PHF24: variants seen among roughly 807,000 people sequenced by gnomAD.
The protein encoded by PHF24 is PHD finger protein 24.
Under a neutral mutation model 42.6 loss-of-function variants are expected in PHF24, and 25 were observed. That is an observed-to-expected ratio of 0.59 (90% CI 0.43 to 0.82). The LOEUF is 0.82. Ranked by LOEUF, PHF24 falls within the 40% of genes least tolerant of loss-of-function variation. PHF24 has a pLI of 0.00. For synonymous variants in PHF24, 185 were observed against 204.8 expected, an observed-to-expected ratio of 0.90 and a Z score of 0.83; for missense variants, 470 against 538.1, an observed-to-expected ratio of 0.87 and a Z score of 1.25.
the PHF24 span, chr9:34,728,058 G>A: frequency 1.1e-5 from 17 of 1,551,852 alleles, no homozygotes; most frequent in East Asian, 4.2e-4. Context: ...TGGCTTCTCA[G>A]CTTCTTCCCG....
the PHF24 span, chr9:34,665,668 C>T: frequency 3.1e-5 from 22 of 700,982 alleles, no homozygotes; most frequent in Non-Finnish European, 4.4e-5. Context: ...ATGTCCTGGG[C>T]TCCGAACGTC....
At chr9:34,801,978 T>C in the PHF24 span, among the ~76,000 whole-genome samples, 1 of 152,080 alleles carries the variant, frequency 6.6e-6, no homozygotes, top group African/African-American at 2.4e-5. Context: ...AAAACCTAGA[T>C]GATGGGTTGA....
At chr9:34,711,236 T>A in the PHF24 span, among the ~76,000 whole-genome samples, 4 of 151,852 alleles carry the variant, frequency 2.6e-5, no homozygotes, top group Non-Finnish European at 4.4e-5. Flanking sequence ...AAAAATACAA[T>A]ACTAGCTTTT....
the PHF24 span, among the ~76,000 whole-genome samples, chr9:34,846,267 C>T: frequency 6.6e-6 from 1 of 152,162 alleles, no homozygotes; most frequent in Non-Finnish European, 1.5e-5. Context: ...ACCTGTTTTT[C>T]CCGACTTTTT....
At chr9:34,845,160 T>C in the PHF24 span, among the ~76,000 whole-genome samples, 1 of 152,206 alleles carries the variant, frequency 6.6e-6, no homozygotes, top group Non-Finnish European at 1.5e-5. Context: ...CTTTTTGTTC[T>C]CATTTGTATG....
chr9:34,979,593 A>G (rs1163225710), exon 8 of PHF24: 1 of 152,274 alleles, frequency 6.6e-6, no homozygotes, highest in Non-Finnish European at 1.5e-5. Flanking sequence ...AGTGGAGTGC[A>G]GTCATGCAGA....
chr9:34,757,482 C>T, the PHF24 span, among the ~76,000 whole-genome samples: 2 of 152,052 alleles, frequency 1.3e-5, no homozygotes, highest in African/African-American at 4.8e-5. Context: ...GGATAATCTC[C>T]TTTGGAGATT....
the PHF24 span, among the ~76,000 whole-genome samples, chr9:34,713,057 T>C: frequency 1.3e-5 from 2 of 152,200 alleles, no homozygotes; most frequent in Non-Finnish European, 2.9e-5. Flanking sequence ...GAAATTCAAT[T>C]TTTTCACTCC....
the PHF24 span, among the ~76,000 whole-genome samples, chr9:34,735,808 AAAAG>A: frequency 1.3e-5 from 2 of 152,030 alleles, no homozygotes; most frequent in Admixed American, 1.3e-4. Flanking sequence ...CTAAAAAAAA[AAAAG>A]AGAGACAAAG....
the PHF24 span, chr9:34,838,325 AG>A: frequency 1.3e-6 from 1 of 745,204 alleles, no homozygotes; most frequent in Non-Finnish European, 2.4e-6. Flanking sequence ...TAATTAGTTC[AG>A]TTGGAATCAT....
At chr9:34,812,521 A>G in the PHF24 span, among the ~76,000 whole-genome samples, 1 of 152,216 alleles carries the variant, frequency 6.6e-6, no homozygotes, top group African/African-American at 2.4e-5. Context: ...CTGATGTCAA[A>G]GAAATCATCT....
chr9:34,856,142 T>C, the PHF24 span, among the ~76,000 whole-genome samples: 1 of 152,228 alleles, frequency 6.6e-6, no homozygotes, highest in East Asian at 1.9e-4. Flanking sequence ...TGTTTCTCTC[T>C]AAGCTGGATA....
At chr9:34,874,901 C>T in the PHF24 span, among the ~76,000 whole-genome samples, 2 of 152,046 alleles carry the variant, frequency 1.3e-5, no homozygotes, top group South Asian at 2.1e-4. Context: ...GAAATAGGCA[C>T]GTCATGGAGA....
chr9:34,919,720 CT>C, the PHF24 span, among the ~76,000 whole-genome samples: 1 of 70,670 alleles, frequency 1.4e-5, no homozygotes, highest in South Asian at 3.5e-4. Context: ...ATCCCAACCC[CT>C]GGTAACCATC....
At position 34,958,616 on chromosome 9, in the gene PHF24, T is replaced by G. The variant is rs959046977; in HGVS notation, c.-5+215T>G. On this transcript the variant is annotated intron_variant, in intron 1 of 7. Transcript: ENST00000242315. The surrounding 1 kb of genome is among the most constrained non-coding windows in gnomAD (Gnocchi z 4.5). ...GAGCCGCCCCCATAAAGACCCCCTG[T>G]GGGAATGGACTCCCGCGGCGCTGTC... 1.3e-5 allele frequency among the ~76,000 whole-genome samples: 2 copies of G among 152,016 alleles called. No homozygotes were observed. The highest frequency in any genetic ancestry group is 2.9e-5 in the Non-Finnish European group (2 of 67,966).
chr9:34,917,297 C>T, the PHF24 span: 1 of 995,192 alleles, frequency 1.0e-6, no homozygotes, highest in Non-Finnish European at 1.6e-6. Flanking sequence ...AAGGACTGCA[C>T]TGCAAGACCT....
At chr9:34,943,644 GA>G in the PHF24 span, among the ~76,000 whole-genome samples, 1,318 of 150,820 alleles carry the variant, frequency 8.7e-3, 17 homozygotes, top group African/African-American at 0.031. Flanking sequence ...TCCTTTTCAG[GA>G]AAAAAAAACT....
At chr9:34,777,925 T>C in the PHF24 span, among the ~76,000 whole-genome samples, 1 of 152,224 alleles carries the variant, frequency 6.6e-6, no homozygotes, top group Non-Finnish European at 1.5e-5. Flanking sequence ...GTCATGGGAC[T>C]CTCCAGTGGC....
chr9:34,912,670 C>G, the PHF24 span, among the ~76,000 whole-genome samples: 1 of 152,272 alleles, frequency 6.6e-6, no homozygotes, highest in East Asian at 1.9e-4. Context: ...GAACTACTGC[C>G]CACAGAAAGT....
Sources: gnomAD v4.1 joint callset for allele counts (sites outside exome capture counted in the v4.1 genomes callset) on GRCh38, gnomAD v4.1.1 for gene constraint, Gnocchi (gnomAD v3.1) non-coding constraint, MANE v1.5 for transcripts, NCBI Gene and HGNC (gene_info 2026-07-23, HGNC 2026-07-21) for gene names.